ANKRD44: variants seen among roughly 807,000 people sequenced by gnomAD.
The protein encoded by ANKRD44 is ankyrin repeat domain 44.
In ANKRD44, 35 loss-of-function variants were observed where a neutral mutation model predicts 116.0. That is an observed-to-expected ratio of 0.30 (90% confidence interval 0.23 to 0.40). The LOEUF (loss-of-function observed/expected upper bound fraction) is 0.40. Ranked by LOEUF, ANKRD44 falls within the 10% of genes least tolerant of loss-of-function variation. The pLI is 1.00. For missense variants in ANKRD44, 1,014 were observed against 1,242.6 expected (o/e 0.82, Z 2.77); for synonymous variants, 435 against 461.8 (o/e 0.94, Z 0.74).
intron 16 of ANKRD44, among the ~76,000 whole-genome samples, chr2:197,032,529 C>T (rs2076727209): frequency 6.6e-6 from 1 of 152,020 alleles, no homozygotes; most frequent in Non-Finnish European, 1.5e-5. Context: ...GCTGGGACTA[C>T]AGGCACCCGC....
chr2:197,200,605 TC>T (rs956445944), intron 1 of ANKRD44, among the ~76,000 whole-genome samples: 148 of 152,060 alleles, frequency 9.7e-4, no homozygotes, highest in African/African-American at 3.5e-3. Flanking sequence ...TGAAATTACC[TC>T]CAAATCTCTT....
chr2:196,977,560 G>C (rs904419537), intron 21 of ANKRD44, among the ~76,000 whole-genome samples: 11 of 152,156 alleles, frequency 7.2e-5, no homozygotes, highest in Non-Finnish European at 1.6e-4. Flanking sequence ...TTTGTCCAAA[G>C]AAAATATACA....
chr2:197,298,463 A>T (rs763376214), intron 1 of ANKRD44, among the ~76,000 whole-genome samples: 3 of 152,202 alleles, frequency 2.0e-5, no homozygotes, highest in Non-Finnish European at 4.4e-5. Flanking sequence ...AAACCAGAAA[A>T]ATCATGTGCT....
intron 1 of ANKRD44, among the ~76,000 whole-genome samples, chr2:197,271,057 T>G (rs867454476): frequency 1.3e-4 from 20 of 152,254 alleles, no homozygotes; most frequent in African/African-American, 4.8e-4. Context: ...TTAAATGCTC[T>G]GCTACTGCCA....
At chr2:197,152,127 T>C (rs560701150) in intron 2 of ANKRD44, among the ~76,000 whole-genome samples, 3 of 152,316 alleles carry the variant, frequency 2.0e-5, no homozygotes, top group Admixed American at 6.5e-5. Context: ...TGGATCAAAA[T>C]TGGAATCCAG....
intron 1 of ANKRD44, among the ~76,000 whole-genome samples, chr2:197,257,956 C>T (rs1299650517): frequency 6.6e-6 from 1 of 152,120 alleles, no homozygotes; most frequent in African/African-American, 2.4e-5. Flanking sequence ...TTTGACTACT[C>T]TAGGTACCTT....
At chr2:197,107,046 T>G (rs1262285591) in intron 9 of ANKRD44, among the ~76,000 whole-genome samples, 2 of 152,186 alleles carry the variant, frequency 1.3e-5, no homozygotes, top group East Asian at 3.9e-4. Context: ...TATTGGAGAT[T>G]GATCATTGAC....
chr2:197,263,914 C>G (rs1370603934), intron 1 of ANKRD44, among the ~76,000 whole-genome samples: 2 of 149,952 alleles, frequency 1.3e-5, no homozygotes, highest in African/African-American at 2.5e-5. Context: ...TTGATTCTGG[C>G]TAACGGAATA....
intron 18 of ANKRD44, among the ~76,000 whole-genome samples, chr2:197,012,366 A>G (rs1298597589): frequency 1.3e-5 from 2 of 150,654 alleles, no homozygotes; most frequent in Non-Finnish European, 3.0e-5. Context: ...CAGGAATTAT[A>G]TAATAACAAA....
At chr2:197,078,464 C>G in intron 16 of ANKRD44, 1 of 1,126,966 alleles carries the variant, frequency 8.9e-7, no homozygotes, top group Non-Finnish European at 1.2e-6. Flanking sequence ...CGATGACTAC[C>G]ATGCTTTTGT....
chr2:197,310,033 C>CT, intron 1 of ANKRD44, among the ~76,000 whole-genome samples: 1 of 152,362 alleles, frequency 6.6e-6, no homozygotes, highest in Middle Eastern at 3.4e-3. Context: ...GGGTCCCCAT[C>CT]CCGCACCACG....
chr2:197,195,423 G>C (rs151283794), intron 1 of ANKRD44, among the ~76,000 whole-genome samples: 19 of 152,278 alleles, frequency 1.2e-4, no homozygotes, highest in African/African-American at 4.6e-4. Context: ...TTAGAAGGCT[G>C]TTGCTACAAT....
At chr2:197,038,198 A>T (rs1252389317) in intron 16 of ANKRD44, among the ~76,000 whole-genome samples, 1 of 152,086 alleles carries the variant, frequency 6.6e-6, no homozygotes, top group Non-Finnish European at 1.5e-5. Flanking sequence ...ACTTGTAACA[A>T]ATGTACCCTC....
At chr2:197,014,489 GT>G (rs2125923553) in intron 17 of ANKRD44, among the ~76,000 whole-genome samples, 1 of 152,210 alleles carries the variant, frequency 6.6e-6, no homozygotes, top group African/African-American at 2.4e-5. Context: ...CCTAAGCTAT[GT>G]TAAGATTAAG....
At chr2:197,142,564 G>A (rs1328348397) in intron 3 of ANKRD44, among the ~76,000 whole-genome samples, 1 of 152,052 alleles carries the variant, frequency 6.6e-6, no homozygotes, top group Non-Finnish European at 1.5e-5. Flanking sequence ...AACTCTCCTT[G>A]GAGTTGCCTT....
chr2:197,063,532 C>A (rs901424108), intron 16 of ANKRD44, among the ~76,000 whole-genome samples: 1 of 152,106 alleles, frequency 6.6e-6, no homozygotes, highest in Non-Finnish European at 1.5e-5. Context: ...TCGAACCCAT[C>A]GCAAAGAAGC....
intron 16 of ANKRD44, among the ~76,000 whole-genome samples, chr2:197,073,908 T>C (rs1039506309): frequency 1.4e-4 from 22 of 152,208 alleles, no homozygotes; most frequent in Admixed American, 1.4e-3. Flanking sequence ...TTTTAACACA[T>C]CCTGTTGAAT....
chr2:197,195,357 C>T (rs2080922928), intron 1 of ANKRD44, among the ~76,000 whole-genome samples: 1 of 152,122 alleles, frequency 6.6e-6, no homozygotes, highest in South Asian at 2.1e-4. Flanking sequence ...AGAATTTAAT[C>T]TGGCCAAAGT....
chr2:197,264,518 T>C (rs1206649101), intron 1 of ANKRD44, among the ~76,000 whole-genome samples: 1 of 152,074 alleles, frequency 6.6e-6, no homozygotes, highest in African/African-American at 2.4e-5. Context: ...CGTTTTTGAG[T>C]TTTTAGTATC....
Sources: allele counts gnomAD v4.1 joint callset (sites outside exome capture counted in the v4.1 genomes callset), GRCh38; gene constraint gnomAD v4.1.1; transcripts MANE v1.5; gene names NCBI Gene and HGNC (gene_info 2026-07-23, HGNC 2026-07-21).